The following RMDN3 variants were observed in gnomAD, a reference collection of about 807,000 sequenced individuals.
RMDN3 encodes the protein regulator of microtubule dynamics protein 3.
RMDN3 carries 41 observed loss-of-function variants against 61.8 expected under a neutral mutation model. The observed-to-expected ratio is 0.66, with a 90% CI of 0.52 to 0.86. RMDN3 has a LOEUF of 0.86. Ranked by LOEUF, RMDN3 falls within the 40% of genes least tolerant of loss-of-function variation. The pLI is 0.00. For synonymous variants in RMDN3, 247 were observed against 232.0 expected, an observed-to-expected ratio of 1.06 and a Z score of -0.59; for missense variants, 557 against 585.3, an observed-to-expected ratio of 0.95 and a Z score of 0.50.
chr15:40,752,741 G>A (rs956794640), intron 2 of RMDN3, among the ~76,000 whole-genome samples: 5 of 152,158 alleles, frequency 3.3e-5, no homozygotes, highest in Non-Finnish European at 7.4e-5. Flanking sequence ...GCCTCAGAAA[G>A]ACACCGTCAC....
intron 4 of RMDN3, among the ~76,000 whole-genome samples, chr15:40,750,875 C>T (rs1897790419): frequency 6.6e-6 from 1 of 152,222 alleles, no homozygotes; most frequent in African/African-American, 2.4e-5. Context: ...GTGGTTTAAA[C>T]TCAAAACACC....
At chr15:40,745,879 A>T (rs1240786658) in intron 4 of RMDN3, among the ~76,000 whole-genome samples, 1 of 152,178 alleles carries the variant, frequency 6.6e-6, no homozygotes, top group Non-Finnish European at 1.5e-5. Flanking sequence ...ACACATCCAC[A>T]AACTCGCAAC....
chr15:40,751,476 G>A lies in RMDN3; in HGVS notation c.474C>T (p.Tyr158=). The change falls in exon 4 of 13, where the codon TAC becomes TAT. Residue 158 remains tyrosine (Y), a synonymous_variant. Coordinates refer to ENST00000338376, the MANE Select transcript of RMDN3 (RefSeq NM_018145.3). ...RSDSTGSSSV[Y]FTASSGATFT... ...ACGTGGCTCCCGAGGAGGCCGTGAA[G>A]TAGACAGAGCTGGAGCCAGTGGAGT... 6.2e-7 allele frequency: 1 copy of A among 1,614,228 alleles called. No individual in the cohort carries two copies. Among genetic ancestry groups the A allele is most frequent in the Non-Finnish European group, 8.5e-7 (1 of 1,180,044 alleles).
At chr15:40,749,128 C>G (rs116637675) in intron 4 of RMDN3, among the ~76,000 whole-genome samples, 4,018 of 152,266 alleles carry the variant, frequency 0.026, 174 homozygotes, top group African/African-American at 0.093. Flanking sequence ...GTCTTGAACT[C>G]CTGATCTCAG....
In RMDN3 at chr15:40,738,091, A is replaced by G. The variant is rs760691330; in HGVS notation, c.1048-49T>C. ...ACTAACATCAGACACCAGAGTTGCT[A>G]AAAGAGAGGCAAGGGCCGGATGCAG... On this transcript the variant is annotated intron_variant, in intron 8 of 12. Coordinates refer to ENST00000338376, the MANE Select transcript of RMDN3 (RefSeq NM_018145.3). 11 of 1,593,714 alleles carry G rather than the reference A, an allele frequency of 6.9e-6. No individual in the cohort carries two copies. In the East Asian group the frequency reaches 2.5e-4, roughly 36 times the overall value.
chr15:40,751,302 T>TAA, intron 4 of RMDN3, 124 bp downstream of exon 4: 2 of 1,223,710 alleles, frequency 1.6e-6, no homozygotes, highest in Non-Finnish European at 2.3e-6. Context: ...TCTTCTGTAT[T>TAA]TATTATACTC....
At chr15:40,754,879 A>C (rs896010310) in intron 1 of RMDN3, 89 bp from the exon 2 acceptor site, 1 of 1,162,532 alleles carries the variant, frequency 8.6e-7, no homozygotes, top group Non-Finnish European at 1.2e-6. Context: ...CGGTAAACCC[A>C]CCCTCAAGGC....
chr15:40,753,490 G>C (rs1897909474), intron 2 of RMDN3, among the ~76,000 whole-genome samples: 1 of 151,718 alleles, frequency 6.6e-6, no homozygotes. Context: ...TCCAGCCTGG[G>C]CAACAGAGCG....
intron 6 of RMDN3, among the ~76,000 whole-genome samples, chr15:40,741,001 T>C (rs1424922172): frequency 6.6e-6 from 1 of 151,902 alleles, no homozygotes; most frequent in South Asian, 2.1e-4. Flanking sequence ...GGAGAATCAC[T>C]TGAACCTGGG....
chr15:40,743,821 C>G (rs1261081882), intron 6 of RMDN3, among the ~76,000 whole-genome samples: 1 of 152,246 alleles, frequency 6.6e-6, no homozygotes, highest in Non-Finnish European at 1.5e-5. Flanking sequence ...CCTAGAAACA[C>G]ATGCACGTGT....
intron 3 of RMDN3, 53 bp downstream of exon 3, chr15:40,751,933 G>C: frequency 1.3e-6 from 2 of 1,568,110 alleles, no homozygotes; most frequent in Non-Finnish European, 1.7e-6. Context: ...ACACACCCCA[G>C]CTGAAAAGCT....
intron 6 of RMDN3, among the ~76,000 whole-genome samples, chr15:40,741,150 G>T (rs1365914803): frequency 6.6e-6 from 1 of 152,050 alleles, no homozygotes; most frequent in Non-Finnish European, 1.5e-5. Context: ...GAGGGGCAGT[G>T]TCCATGAATC....
chr15:40,741,620 A>ATTTTTTTTGTTTTTTTTTTTTTT (rs1897283334), intron 6 of RMDN3, among the ~76,000 whole-genome samples: 1 of 71,724 alleles, frequency 1.4e-5, no homozygotes, highest in East Asian at 6.2e-4. Flanking sequence ...GCAACATAGG[A>ATTTTTTTTGTTTTTTTTTTTTTT]TTTTTTTTTT....
rs1897395617 is a variant in RMDN3, at chr15:40,744,131, A to G, written c.826T>C (p.Phe276Leu). ...NKLVYGSRQD[F>L]LWRLARAYSD... ...TAGGCTCGGGCCAGGCGCCAGAGAA[A>G]GTCCTGCCGGCTTCCATACTGCAGA... Residue 276 changes from phenylalanine (F) to leucine (L), a missense_variant, in exon 6 of 13, where the codon TTT becomes CTT. Transcript: ENST00000338376. The G allele has an allele frequency of 6.2e-7, 1 of 1,613,406 alleles. No homozygotes were observed. The highest frequency in any genetic ancestry group is 1.7e-5 in the Admixed American group (1 of 60,006).
At chr15:40,750,203 C>G (rs1596055218) in intron 4 of RMDN3, among the ~76,000 whole-genome samples, 1 of 145,594 alleles carries the variant, frequency 6.9e-6, no homozygotes, top group Admixed American at 7.0e-5. Flanking sequence ...GCCACCATGC[C>G]CAGCTCGTTT....
At chr15:40,749,866 A>T (rs572026965) in intron 4 of RMDN3, among the ~76,000 whole-genome samples, 3 of 152,334 alleles carry the variant, frequency 2.0e-5, no homozygotes, top group East Asian at 1.9e-4. Context: ...GATAACAGGG[A>T]TCTGACAACC....
chr15:40,747,582 G>C (rs1331117273), intron 4 of RMDN3: 7 of 152,158 alleles, frequency 4.6e-5, no homozygotes, highest in African/African-American at 7.2e-5. Flanking sequence ...GACTAACCCA[G>C]CCAGCCTTTG....
In RMDN3 at chr15:40,745,102, C is replaced by G; in HGVS notation, c.682G>C (p.Glu228Gln). ...EAASGASSAL[E>Q]AGGSSGLEDV... ...TCCAAGCCTGAGGAACCTCCAGCCT[C>G]CAGGGCACTGGAGGCACCTGAAGCT... The change falls in exon 5 of 13, where the codon GAG (glutamate) becomes CAG (glutamine). Residue 228 changes from glutamate (E) to glutamine (Q), a missense_variant. Transcript: ENST00000338376. 6.2e-7 allele frequency: 1 copy of G among 1,614,150 alleles called. No individual in the cohort carries two copies. The highest frequency in any genetic ancestry group is 8.5e-7 in the Non-Finnish European group (1 of 1,180,018).
chr15:40,738,561 A>G lies in RMDN3; in HGVS notation c.987T>C (p.Cys329=), dbSNP rs932669440. ...TGCTCTCATGCTCAGCCAGCTGACC[A>G]CAAAGCACCGCATACCTAGGGGGGA... ...ADCHLWYAVL[C]GQLAEHESIQ... The change falls in exon 8 of 13, where the codon TGT becomes TGC. Residue 329 remains cysteine (C), a synonymous_variant. Coordinates refer to ENST00000338376, the MANE Select transcript of RMDN3 (RefSeq NM_018145.3). 1.2e-6 allele frequency: 2 copies of G among 1,614,012 alleles called. No individual in the cohort carries two copies. Among genetic ancestry groups the G allele is most frequent in the Non-Finnish European group, 1.7e-6 (2 of 1,180,036 alleles).
Sources: gnomAD v4.1 joint callset for allele counts (sites outside exome capture counted in the v4.1 genomes callset) on GRCh38, gnomAD v4.1.1 for gene constraint, MANE v1.5 for transcripts, NCBI Gene and HGNC (gene_info 2026-07-23, HGNC 2026-07-21) for gene names.